TENM3: variants seen among roughly 807,000 people sequenced by gnomAD.
TENM3 encodes teneurin-3.
TENM3 carries 63 observed loss-of-function variants against 255.1 expected under a neutral mutation model. The ratio of observed to expected loss-of-function variants is 0.25; its 90% CI spans 0.20 to 0.30. The LOEUF is 0.30. Among genes scored for constraint, TENM3 ranks in the 10% least tolerant of loss-of-function variants. The pLI, the probability that TENM3 is intolerant of heterozygous loss-of-function variation, is 1.00. For missense variants in TENM3, 2,929 were observed against 3,461.1 expected (o/e 0.85, Z 3.86); for synonymous variants, 1,306 against 1,322.3 (o/e 0.99, Z 0.27).
chr4:181,809,759 A>G, the TENM3 span, among the ~76,000 whole-genome samples: 2 of 152,238 alleles, frequency 1.3e-5, no homozygotes, highest in Admixed American at 6.5e-5. Context: ...GGCCCACTGT[A>G]ATCACAAGGG....
chr4:181,464,237 C>G, the TENM3 span, among the ~76,000 whole-genome samples: 1 of 152,136 alleles, frequency 6.6e-6, no homozygotes, highest in African/African-American at 2.4e-5. Flanking sequence ...AACTCTTTTC[C>G]AAAGTAGCCG....
At chr4:182,046,552 T>G in the TENM3 span, among the ~76,000 whole-genome samples, 2 of 13,922 alleles carry the variant, frequency 1.4e-4, no homozygotes, top group Non-Finnish European at 2.4e-4. Context: ...AAAAACTAAA[T>G]AATAATAATA....
At chr4:182,587,638 TGGTCTC>T (rs1205722214) in intron 3 of TENM3, among the ~76,000 whole-genome samples, 2 of 152,104 alleles carry the variant, frequency 1.3e-5, no homozygotes, top group Non-Finnish European at 2.9e-5. Context: ...CTTGAAATCG[TGGTCTC>T]AAGTGATCTG....
In TENM3 at chr4:182,680,570, A is replaced by G. The variant is rs1756087535; in HGVS notation, c.1667A>G (p.Asn556Ser). The G allele has an allele frequency of 6.2e-7, 1 of 1,613,538 alleles. No homozygotes were observed. Among genetic ancestry groups the G allele is most frequent in the African/African-American group, 1.3e-5 (1 of 74,858 alleles). ...GCCTGTCCAGTGTTATGTAGTGGCA[A>G]CGGGCAGTACTCCAAGGGCCGCTGC... ...RAACPVLCSGNGQYSKGRCLC... is the reference protein window; with the variant it reads ...RAACPVLCSGSGQYSKGRCLC... The change falls in exon 10 of 28, where the codon AAC becomes AGC. Residue 556 changes from asparagine to serine, a missense_variant. By Grantham distance (46) the Asn-to-Ser change is conservative. This residue lies in a region of TENM3 where 1,608 missense variants were observed against 1,884.4 expected (regional missense o/e 0.85). Transcript: ENST00000511685.
At chr4:182,292,842 C>T (rs925181407) in intron 1 of TENM3, among the ~76,000 whole-genome samples, 1 of 152,114 alleles carries the variant, frequency 6.6e-6, no homozygotes, top group African/African-American at 2.4e-5. Context: ...GGTTGCTGTC[C>T]AAAGGTTTTC....
the TENM3 span, among the ~76,000 whole-genome samples, chr4:181,523,727 G>A: frequency 6.6e-6 from 1 of 152,186 alleles, no homozygotes; most frequent in Non-Finnish European, 1.5e-5. Flanking sequence ...ACCAAGAGGA[G>A]AGTATGATGT....
intron 1 of TENM3, among the ~76,000 whole-genome samples, chr4:182,251,922 C>A (rs1189744283): frequency 6.6e-6 from 1 of 152,118 alleles, no homozygotes; most frequent in Non-Finnish European, 1.5e-5. Context: ...GTGGCTCATG[C>A]CCGTTACCCC....
At chr4:182,507,241 T>G (rs1296733594) in intron 3 of TENM3, among the ~76,000 whole-genome samples, 1 of 152,234 alleles carries the variant, frequency 6.6e-6, no homozygotes, top group Non-Finnish European at 1.5e-5. Context: ...ATTTTTCTTT[T>G]GCCCTTTTTC....
At chr4:181,694,870 A>T in the TENM3 span, among the ~76,000 whole-genome samples, 3 of 152,206 alleles carry the variant, frequency 2.0e-5, no homozygotes, top group Admixed American at 2.0e-4. Context: ...GAAGAAAGAA[A>T]ATTATCTATC....
At chr4:182,254,333 C>CT (rs36054102) in intron 1 of TENM3, among the ~76,000 whole-genome samples, 41,162 of 146,246 alleles carry the variant, frequency 0.28, 6,312 homozygotes, top group African/African-American at 0.41. Flanking sequence ...TTCTCTCTCT[C>CT]TTTTTTTTTT....
intron 3 of TENM3, among the ~76,000 whole-genome samples, chr4:182,366,465 T>C (rs543030861): frequency 6.7e-6 from 1 of 149,648 alleles, no homozygotes; most frequent in South Asian, 2.1e-4. Context: ...AATTTTGTAA[T>C]GTAATAGTTG....
the TENM3 span, chr4:181,877,143 T>C: frequency 2.0e-5 from 3 of 152,204 alleles, no homozygotes; most frequent in East Asian, 5.8e-4. Context: ...TGTAAAAATA[T>C]ACATGTCAAA....
chr4:182,722,313 G>T (rs1353448671), intron 13 of TENM3, among the ~76,000 whole-genome samples: 2 of 151,684 alleles, frequency 1.3e-5, no homozygotes, highest in African/African-American at 4.8e-5. Context: ...AAAAAGCAGG[G>T]CATCTCTCAT....
At chr4:182,556,760 T>C (rs1281586027) in intron 3 of TENM3, among the ~76,000 whole-genome samples, 1 of 152,302 alleles carries the variant, frequency 6.6e-6, no homozygotes, top group East Asian at 1.9e-4. Flanking sequence ...CACTCCTACG[T>C]AGACTGAAGT....
rs568515190 is a variant in TENM3, at chr4:182,461,579, G to A, written c.511+114650G>A. Among the ~76,000 whole-genome samples, 14 of 152,180 alleles carry A rather than the reference G, an allele frequency of 9.2e-5. No homozygotes were observed. In the South Asian group the frequency reaches 2.9e-3, roughly 32 times the overall value. ...GGTGTGTTTGGGGGAAGATCTCTCTGGTAGATGCTGTTAGATGAATTATAA... is the reference window on the plus strand; with the variant it reads ...GGTGTGTTTGGGGGAAGATCTCTCTAGTAGATGCTGTTAGATGAATTATAA... On this transcript the variant is annotated intron_variant, in intron 3 of 27. Transcript: ENST00000511685.
At chr4:181,469,487 A>G in the TENM3 span, among the ~76,000 whole-genome samples, 1 of 152,176 alleles carries the variant, frequency 6.6e-6, no homozygotes, top group Non-Finnish European at 1.5e-5. Flanking sequence ...TTACTTATTA[A>G]CATTTTATTT....
intron 4 of TENM3, among the ~76,000 whole-genome samples, chr4:182,622,279 G>C (rs571544670): frequency 6.6e-6 from 1 of 151,004 alleles, no homozygotes; most frequent in Admixed American, 6.6e-5. Context: ...CCCAGGAGGC[G>C]GAGGTTGCAG....
chr4:181,552,633 A>G, the TENM3 span, among the ~76,000 whole-genome samples: 1 of 152,084 alleles, frequency 6.6e-6, no homozygotes, highest in Admixed American at 6.6e-5. Context: ...TTAGCTTTGT[A>G]TGTTTTCTGC....
chr4:182,451,989 T>C (rs1580595416), intron 3 of TENM3, among the ~76,000 whole-genome samples: 1 of 152,246 alleles, frequency 6.6e-6, no homozygotes, highest in African/African-American at 2.4e-5. Flanking sequence ...AAATGAGTTA[T>C]TTTATAGTAA....
Sources: allele counts gnomAD v4.1 joint callset (sites outside exome capture counted in the v4.1 genomes callset), GRCh38; gene constraint gnomAD v4.1.1; regional missense constraint gnomAD v4.1.1; transcripts MANE v1.5; gene names NCBI Gene and HGNC (gene_info 2026-07-23, HGNC 2026-07-21).